Variants in CHD7 observed in about 807,000 individuals in gnomAD.
CHD7 encodes chromodomain helicase DNA binding protein 7.
CHD7 carries 24 observed loss-of-function variants against 307.3 expected under a neutral mutation model. That is an observed-to-expected ratio of 0.08 (90% CI 0.06 to 0.11). CHD7 has a LOEUF of 0.11. CHD7 is among the 10% of genes least tolerant of loss of function. The pLI, the probability that CHD7 is intolerant of heterozygous loss-of-function variation, is 1.00. For synonymous variants in CHD7, 1,363 were observed against 1,349.9 expected (o/e 1.01, Z -0.21); for missense variants, 3,106 against 3,727.1 (o/e 0.83, Z 4.34).
At chr8:60,828,607 T>G in intron 13 of CHD7, 56 bp from the exon 14 acceptor site, 1 of 1,521,520 alleles carries the variant, frequency 6.6e-7, no homozygotes, top group Non-Finnish European at 8.9e-7. Context: ...AGGCTCTGGT[T>G]TTAAGAAAGT....
chr8:60,723,451 T>G (rs1351207505), intron 1 of CHD7, among the ~76,000 whole-genome samples: 3 of 152,142 alleles, frequency 2.0e-5, no homozygotes, highest in African/African-American at 7.2e-5. Flanking sequence ...CTACCTCGAA[T>G]GGAATGGTTA....
At chr8:60,764,989 C>T (rs1415609225) in intron 2 of CHD7, among the ~76,000 whole-genome samples, 1 of 152,174 alleles carries the variant, frequency 6.6e-6, no homozygotes, top group East Asian at 1.9e-4. Flanking sequence ...GTGTTGAGCG[C>T]TCTGGAGGTG....
At chr8:60,821,058 T>C (rs886980379) in intron 9 of CHD7, among the ~76,000 whole-genome samples, 11 of 152,192 alleles carry the variant, frequency 7.2e-5, no homozygotes. Flanking sequence ...CTTATAAAGC[T>C]CAAATATGTT....
chr8:60,823,504 A>G (rs1407565099), intron 12 of CHD7, among the ~76,000 whole-genome samples: 3 of 152,192 alleles, frequency 2.0e-5, no homozygotes, highest in Non-Finnish European at 4.4e-5. Flanking sequence ...GAGAAAAAAT[A>G]TTGAAATCTG....
At position 60,837,815 on chromosome 8, in the gene CHD7, A is replaced by G; in HGVS notation, c.4333A>G (p.Arg1445Gly). 6.2e-7 allele frequency: 1 copy of G among 1,613,212 alleles called. No individual in the cohort carries two copies. Among genetic ancestry groups the G allele is most frequent in the Non-Finnish European group, 8.5e-7 (1 of 1,179,372 alleles). Residue 1445 changes from arginine (R) to glycine (G), a missense_variant, in exon 18 of 38, where the codon AGA becomes GGA. Arg to Gly is a moderately radical substitution (Grantham distance 125). Coordinates refer to ENST00000423902, the MANE Select transcript of CHD7 (RefSeq NM_017780.4). Reference protein sequence around the residue: ...DKAVLQSMSGRENATNGVQQL... With the variant: ...DKAVLQSMSGGENATNGVQQL... ...AGCTGTGCTACAGTCTATGAGTGGAAGAGAAAATGCTACCAATGGGGTAAA... is the reference window on the plus strand; with the variant it reads ...AGCTGTGCTACAGTCTATGAGTGGAGGAGAAAATGCTACCAATGGGGTAAA...
At chr8:60,845,185 C>G (rs1215808623) in intron 22 of CHD7, 65 bp from the exon 23 acceptor site, 3 of 1,575,204 alleles carry the variant, frequency 1.9e-6, no homozygotes, top group Non-Finnish European at 2.6e-6. Context: ...GCATTAAGCT[C>G]TCTGCCATTG....
At chr8:60,712,780 G>A (rs1286866189) in intron 1 of CHD7, among the ~76,000 whole-genome samples, 1 of 151,900 alleles carries the variant, frequency 6.6e-6, no homozygotes, top group East Asian at 1.9e-4. Flanking sequence ...GCTGGGTGCA[G>A]TGGCTCACCC....
At chr8:60,687,707 T>A (rs2150482067) in intron 1 of CHD7, among the ~76,000 whole-genome samples, 1 of 152,354 alleles carries the variant, frequency 6.6e-6, no homozygotes, top group South Asian at 2.1e-4. Context: ...AGTGTTGTCA[T>A]GGATCATTTC....
chr8:60,717,633 A>G (rs1807675463), intron 1 of CHD7, among the ~76,000 whole-genome samples: 1 of 152,214 alleles, frequency 6.6e-6, no homozygotes, highest in African/African-American at 2.4e-5. Context: ...TTGAAGGTTC[A>G]TTATACAGTC....
chr8:60,830,650 T>C, intron 15 of CHD7, 73 bp downstream of exon 15: 2 of 1,531,542 alleles, frequency 1.3e-6, no homozygotes, highest in East Asian at 2.3e-5. Flanking sequence ...GCCCCCAGAC[T>C]GGGGATTTCA....
chr8:60,765,237 G>A (rs1054268682), intron 2 of CHD7, among the ~76,000 whole-genome samples: 33 of 150,712 alleles, frequency 2.2e-4, no homozygotes, highest in South Asian at 1.5e-3. Context: ...ACACGCACAC[G>A]CATGCATGCA....
At chr8:60,714,432 C>T (rs1252319195) in intron 1 of CHD7, among the ~76,000 whole-genome samples, 3 of 104,542 alleles carry the variant, frequency 2.9e-5, no homozygotes, top group South Asian at 3.9e-4. Context: ...CCCCCCGCCC[C>T]GCACACCGCC....
chr8:60,735,253 T>C (rs1227167412), intron 1 of CHD7, among the ~76,000 whole-genome samples: 1 of 152,190 alleles, frequency 6.6e-6, no homozygotes, highest in Non-Finnish European at 1.5e-5. Context: ...AAGAGGTGGA[T>C]GGAGATGGTG....
Position 60,865,936 on chromosome 8 carries a change from A to G in CHD7, c.*3A>G, listed in dbSNP as rs1439669224. The G allele has an allele frequency of 6.3e-7, 1 of 1,592,504 alleles. No homozygotes were observed. Among genetic ancestry groups the G allele is most frequent in the Non-Finnish European group, 8.6e-7 (1 of 1,169,008 alleles). ...AAAACAATGAAAATGATGAATAACC[A>G]GTACCAGTTCCAGTTCAAGTGTTTA... On this transcript the variant is annotated 3_prime_UTR_variant, in exon 38 of 38. Coordinates refer to ENST00000423902, the MANE Select transcript of CHD7 (RefSeq NM_017780.4). The surrounding 1 kb of genome is among the most constrained non-coding windows in gnomAD (Gnocchi z 4.3).
intron 33 of CHD7, 112 bp from the exon 34 acceptor site, chr8:60,856,333 G>A: frequency 7.9e-7 from 1 of 1,270,474 alleles, no homozygotes; most frequent in South Asian, 1.6e-5. Flanking sequence ...CTGTGCACCA[G>A]TCATGAATGC....
chr8:60,765,639 GGCTGCT>G (rs1237643807), intron 2 of CHD7, among the ~76,000 whole-genome samples: 2 of 152,204 alleles, frequency 1.3e-5, no homozygotes, highest in Non-Finnish European at 1.5e-5. Context: ...GCCTTTGTGC[GGCTGCT>G]GCTGCTGAGC....
chr8:60,778,416 T>C (rs1171524013), intron 2 of CHD7, among the ~76,000 whole-genome samples: 1 of 152,180 alleles, frequency 6.6e-6, no homozygotes, highest in African/African-American at 2.4e-5. Context: ...GAGTTACTAA[T>C]TTATTGCTTC....
At chr8:60,844,813 C>G in intron 21 of CHD7, 51 bp from the exon 22 acceptor site, 3 of 1,459,712 alleles carry the variant, frequency 2.1e-6, no homozygotes, top group Non-Finnish European at 2.8e-6. Flanking sequence ...AAAGTAAAGC[C>G]ATAAATCAAA....
At chr8:60,792,169 G>C (rs1811807427) in intron 3 of CHD7, among the ~76,000 whole-genome samples, 1 of 152,090 alleles carries the variant, frequency 6.6e-6, no homozygotes, top group Non-Finnish European at 1.5e-5. Context: ...TGGAACTAAG[G>C]TTTGTCTTGA....
Sources: allele counts gnomAD v4.1 joint callset (sites outside exome capture counted in the v4.1 genomes callset), GRCh38; gene constraint gnomAD v4.1.1; non-coding constraint Gnocchi (gnomAD v3.1); transcripts MANE v1.5; gene names NCBI Gene and HGNC (gene_info 2026-07-23, HGNC 2026-07-21).